The following CHST9 variants were observed in gnomAD, a reference collection of about 807,000 sequenced individuals.
CHST9 encodes carbohydrate sulfotransferase 9, also known as GalNAc-4-sulfotransferase 2.
Under a neutral mutation model 44.4 loss-of-function variants are expected in CHST9, and 41 were observed. The observed-to-expected ratio is 0.92, with a 90% confidence interval of 0.72 to 1.20. The LOEUF is 1.20. CHST9 is among the 50% of genes most tolerant of loss of function. CHST9 has a pLI of 0.00. For synonymous variants in CHST9, 171 were observed against 178.4 expected (o/e 0.96, Z 0.33); for missense variants, 504 against 516.5 (o/e 0.98, Z 0.23).
At chr18:27,181,812 C>G (rs775774006) in intron 1 of CHST9, among the ~76,000 whole-genome samples, 15 of 152,182 alleles carry the variant, frequency 9.9e-5, no homozygotes, top group Admixed American at 5.2e-4. Context: ...GGCATACAAT[C>G]AAGTCTTGCT....
At chr18:27,057,290 G>A (rs16943249) in intron 2 of CHST9, among the ~76,000 whole-genome samples, 15,365 of 152,256 alleles carry the variant, frequency 0.1, 1,489 homozygotes, top group African/African-American at 0.25. Context: ...ATTGTAAGAG[G>A]AGGAACAGAG....
At chr18:27,111,906 G>C (rs2058273891) in intron 2 of CHST9, among the ~76,000 whole-genome samples, 1 of 147,848 alleles carries the variant, frequency 6.8e-6, no homozygotes. Context: ...ACTTGGACTG[G>C]AATCTACACC....
At chr18:27,005,265 A>G (rs571464581) in intron 4 of CHST9, among the ~76,000 whole-genome samples, 133 of 152,344 alleles carry the variant, frequency 8.7e-4, no homozygotes, top group African/African-American at 3.0e-3. Flanking sequence ...ATGAGATATT[A>G]CATGTCAAGC....
intron 2 of CHST9, among the ~76,000 whole-genome samples, chr18:27,138,077 G>A (rs1039146821): frequency 6.6e-6 from 1 of 152,126 alleles, no homozygotes; most frequent in African/African-American, 2.4e-5. Flanking sequence ...TGACTGTGCT[G>A]CTTCTCCTGC....
intron 1 of CHST9, among the ~76,000 whole-genome samples, chr18:27,173,469 A>G (rs931333386): frequency 1.3e-5 from 2 of 152,096 alleles, no homozygotes; most frequent in Admixed American, 1.3e-4. Context: ...AATAAAACAC[A>G]TATTGCCATA....
intron 1 of CHST9, among the ~76,000 whole-genome samples, chr18:27,151,358 C>T (rs536811876): frequency 2.5e-4 from 38 of 152,184 alleles, no homozygotes; most frequent in African/African-American, 8.2e-4. Context: ...TACCTTTTAT[C>T]CAGTTTCCTC....
At chr18:27,068,523 G>T (rs909597038) in intron 2 of CHST9, among the ~76,000 whole-genome samples, 1 of 152,048 alleles carries the variant, frequency 6.6e-6, no homozygotes, top group African/African-American at 2.4e-5. Flanking sequence ...CTTTGTGTAC[G>T]TTACATGTGT....
chr18:27,010,416 G>A (rs555697630), intron 4 of CHST9, among the ~76,000 whole-genome samples: 121 of 152,244 alleles, frequency 7.9e-4, no homozygotes, highest in Non-Finnish European at 1.5e-3. Context: ...AATTGTCAGG[G>A]TGAAATCAAG....
chr18:27,009,153 C>A (rs78370377), intron 4 of CHST9, among the ~76,000 whole-genome samples: 4,843 of 152,210 alleles, frequency 0.032, 114 homozygotes, highest in Non-Finnish European at 0.046. Context: ...AACTCGGATT[C>A]AGTCATGGAA....
intron 1 of CHST9, among the ~76,000 whole-genome samples, chr18:27,177,956 C>T (rs1598782619): frequency 6.6e-6 from 1 of 151,908 alleles, no homozygotes; most frequent in East Asian, 1.9e-4. Flanking sequence ...CCTTATTTTC[C>T]TTATCGCCTC....
intron 1 of CHST9, among the ~76,000 whole-genome samples, chr18:27,170,650 C>T (rs544904431): frequency 6.6e-6 from 1 of 152,104 alleles, no homozygotes; most frequent in Non-Finnish European, 1.5e-5. Context: ...GCAACTAGAA[C>T]TCTGAAACTT....
At chr18:27,055,688 C>T (rs544727631) in intron 2 of CHST9, among the ~76,000 whole-genome samples, 1 of 152,190 alleles carries the variant, frequency 6.6e-6, no homozygotes, top group South Asian at 2.1e-4. Flanking sequence ...TGCTAGTACA[C>T]CAAAAATTCC....
chr18:27,160,593 A>C (rs1046574000), intron 1 of CHST9, among the ~76,000 whole-genome samples: 1 of 152,168 alleles, frequency 6.6e-6, no homozygotes, highest in Non-Finnish European at 1.5e-5. Flanking sequence ...TGTCTCTGCC[A>C]GGCTTTGGTA....
chr18:27,161,764 A>T (rs953730215), intron 1 of CHST9, among the ~76,000 whole-genome samples: 2 of 152,106 alleles, frequency 1.3e-5, no homozygotes, highest in African/African-American at 4.8e-5. Context: ...TAGGTCTCTA[A>T]GGACTTGCTT....
chr18:27,071,265 G>C (rs2057837122), intron 2 of CHST9, among the ~76,000 whole-genome samples: 1 of 152,010 alleles, frequency 6.6e-6, no homozygotes, highest in African/African-American at 2.4e-5. Flanking sequence ...TTCCATCATT[G>C]ATACACATCA....
intron 4 of CHST9, among the ~76,000 whole-genome samples, chr18:26,990,426 T>C (rs2056802733): frequency 6.6e-6 from 1 of 151,796 alleles, no homozygotes; most frequent in South Asian, 2.1e-4. Context: ...TGAATGAAAA[T>C]GTATTGGGTT....
chr18:27,063,847 T>C (rs1229792053), intron 2 of CHST9, among the ~76,000 whole-genome samples: 1 of 152,172 alleles, frequency 6.6e-6, no homozygotes, highest in African/African-American at 2.4e-5. Flanking sequence ...GTTGAGCCAG[T>C]TGTATTCAAA....
At chr18:27,048,109 AT>A (rs1159790709) in intron 3 of CHST9, among the ~76,000 whole-genome samples, 3 of 152,268 alleles carry the variant, frequency 2.0e-5, no homozygotes, top group African/African-American at 7.2e-5. Context: ...AAGAAATAAA[AT>A]TGAGATTCAT....
chr18:27,055,000 G>A (rs1462142091), intron 2 of CHST9, among the ~76,000 whole-genome samples: 1 of 151,940 alleles, frequency 6.6e-6, no homozygotes, highest in Admixed American at 6.6e-5. Context: ...AGTCTGTTGT[G>A]GTATCTTATG....
Sources: gnomAD v4.1 joint callset for allele counts (sites outside exome capture counted in the v4.1 genomes callset) on GRCh38, gnomAD v4.1.1 for gene constraint, MANE v1.5 for transcripts, NCBI Gene and HGNC (gene_info 2026-07-23, HGNC 2026-07-21) for gene names.